The following PPM1D variants were observed in gnomAD, a reference collection of about 807,000 sequenced individuals.
The protein encoded by PPM1D is protein phosphatase, Mg2+/Mn2+ dependent 1D.
In PPM1D, 52 loss-of-function variants were observed where a neutral mutation model predicts 58.3. The ratio of observed to expected loss-of-function variants is 0.89; its 90% CI spans 0.71 to 1.12. PPM1D has a LOEUF of 1.12. PPM1D is among the 50% of genes most tolerant of loss of function. PPM1D has a pLI of 0.00. For synonymous variants in PPM1D, 278 were observed against 285.1 expected, an observed-to-expected ratio of 0.98 and a Z score of 0.25; for missense variants, 564 against 777.2, an observed-to-expected ratio of 0.73 and a Z score of 3.26.
At chr17:60,657,620 C>T (rs1270765785) in intron 5 of PPM1D, among the ~76,000 whole-genome samples, 2 of 152,146 alleles carry the variant, frequency 1.3e-5, no homozygotes, top group Non-Finnish European at 2.9e-5. Context: ...TAATTTTGGG[C>T]GTCGTAATCC....
chr17:60,627,109 G>C (rs1286029854), intron 2 of PPM1D, among the ~76,000 whole-genome samples: 2 of 152,172 alleles, frequency 1.3e-5, no homozygotes, highest in African/African-American at 4.8e-5. Flanking sequence ...TTTCCACGTG[G>C]AAGTTTCTTT....
At chr17:60,609,006 C>T (rs2030394537) in intron 1 of PPM1D, among the ~76,000 whole-genome samples, 1 of 152,038 alleles carries the variant, frequency 6.6e-6, no homozygotes, top group Middle Eastern at 3.2e-3. Flanking sequence ...CTCGGCCTCC[C>T]AAAGTGCTGG....
Position 60,623,756 on chromosome 17 carries a change from T to G in PPM1D, c.701+7T>G. On this transcript the variant is annotated splice_region_variant and intron_variant, in intron 2 of 5. Transcript: ENST00000305921. ...TCGAAGGACTTGGTGGGAGGTAACA[T>G]TCTGTCGTTTTCTCTTTCCTCTTTT... 1 of 1,612,342 alleles carries G rather than the reference T, an allele frequency of 6.2e-7. No individual in the cohort carries two copies. The highest frequency in any genetic ancestry group is 8.5e-7 in the Non-Finnish European group (1 of 1,178,482).
At position 60,623,589 on chromosome 17, in the gene PPM1D, C is replaced by T. The variant is rs1245022636; in HGVS notation, c.541C>T (p.Arg181Trp). Residue 181 changes from arginine (R) to tryptophan (W), a missense_variant, in exon 2 of 6, where the codon CGG (arginine) becomes TGG (tryptophan). Arg to Trp is a moderately radical substitution (Grantham distance 101, BLOSUM62 -3). Transcript: ENST00000305921. The part of the protein sequence containing the change: ...SGTTASVVII[R>W]GMKMYVAHVG... ...GACAACTGCCAGTGTGGTCATCATT[C>T]GGGGCATGAAGATGTATGTAGCTCA... 3.7e-6 allele frequency: 6 copies of T among 1,614,046 alleles called. No individual in the cohort carries two copies. The highest frequency in any genetic ancestry group is 4.5e-5 in the East Asian group (2 of 44,890).
intron 1 of PPM1D, among the ~76,000 whole-genome samples, chr17:60,619,088 C>T (rs1241321011): frequency 6.6e-6 from 1 of 152,192 alleles, no homozygotes; most frequent in Non-Finnish European, 1.5e-5. Context: ...CTCTTTCCTT[C>T]TGTGACTTTT....
intron 3 of PPM1D, among the ~76,000 whole-genome samples, chr17:60,636,005 G>T (rs985525537): frequency 1.3e-5 from 2 of 152,160 alleles, no homozygotes; most frequent in African/African-American, 4.8e-5. Flanking sequence ...CTTCAATGGG[G>T]TTGGAGCATC....
At chr17:60,613,935 C>T (rs569536789) in intron 1 of PPM1D, among the ~76,000 whole-genome samples, 50 of 151,258 alleles carry the variant, frequency 3.3e-4, no homozygotes, top group Middle Eastern at 6.8e-3. Flanking sequence ...CAAGCCTCCC[C>T]GATGAGCACC....
intron 2 of PPM1D, among the ~76,000 whole-genome samples, chr17:60,624,216 TA>T: frequency 6.6e-6 from 1 of 152,342 alleles, no homozygotes; most frequent in South Asian, 2.1e-4. Flanking sequence ...ATTTGTAAAC[TA>T]GGAACTGAAA....
intron 4 of PPM1D, among the ~76,000 whole-genome samples, chr17:60,648,478 G>C (rs2031287778): frequency 6.7e-6 from 1 of 149,694 alleles, no homozygotes; most frequent in Non-Finnish European, 1.5e-5. Context: ...TCCGCCTCCT[G>C]AGTTCACGCC....
chr17:60,656,761 A>C lies in PPM1D; in HGVS notation c.1180A>C (p.Asn394His). 6.2e-7 allele frequency: 1 copy of C among 1,614,220 alleles called. No individual in the cohort carries two copies. The highest frequency in any genetic ancestry group is 8.5e-7 in the Non-Finnish European group (1 of 1,180,044). The change falls in exon 5 of 6, where the codon AAC becomes CAC. Residue 394 changes from asparagine to histidine, a missense_variant. Physicochemically the swap from Asn to His is moderately conservative, Grantham distance 68. Coordinates refer to ENST00000305921, the MANE Select transcript of PPM1D (RefSeq NM_003620.4). The stretch of plus-strand genomic sequence containing the variant: ...TACCAATGAAGATGAGTTATACCTG[A>C]ACCTGACTGACAGCCCTTCCTATAA... ...NFTNEDELYL[N>H]LTDSPSYNSQ...
chr17:60,600,533 C>G lies in PPM1D; in HGVS notation c.119C>G (p.Ser40Trp). The G allele has an allele frequency of 6.4e-7, 1 of 1,556,856 alleles. No individual in the cohort carries two copies. Among genetic ancestry groups the G allele is most frequent in the South Asian group, 1.2e-5 (1 of 84,490 alleles). ...EPEPTAEEKP[S>W]PRRSLSQPLP... ...GAACCGACGGCTGAAGAAAAGCCCT[C>G]GCCGCGGCGGTCGCTGTCTCAGCCG... is the stretch of plus-strand genomic sequence containing the variant. The change falls in exon 1 of 6, where the codon TCG becomes TGG. Residue 40 changes from serine to tryptophan, a missense_variant. Ser to Trp is a radical substitution (Grantham distance 177, BLOSUM62 -3). Transcript: ENST00000305921.
intron 3 of PPM1D, among the ~76,000 whole-genome samples, chr17:60,636,320 A>T (rs1351439020): frequency 6.6e-6 from 1 of 152,180 alleles, no homozygotes; most frequent in South Asian, 2.1e-4. Flanking sequence ...ATTGTTCTTT[A>T]TTCACCAAAT....
rs954698996 is a variant in PPM1D, at chr17:60,656,244, G to A, written c.1018-355G>A. Among the ~76,000 whole-genome samples, 8 of 122,466 alleles carry A rather than the reference G, an allele frequency of 6.5e-5. No homozygotes were observed. In the East Asian group the frequency reaches 1.7e-3, roughly 26 times the overall value. The allele number at this position is 122,466 out of a possible 152,430, so 80.3% of individuals were successfully genotyped here. A position where few individuals can be genotyped will look rare whatever the true frequency, so the allele number is the denominator to read the frequency against. ...GCAGAGGCGTGTGGATCGAGGTCAG[G>A]AGATCAAGACCATCCTGGCTAACAT... On this transcript the variant is annotated intron_variant, in intron 4 of 5. Transcript: ENST00000305921.
intron 3 of PPM1D, among the ~76,000 whole-genome samples, chr17:60,642,311 A>C (rs1229088273): frequency 6.6e-6 from 1 of 151,706 alleles, no homozygotes; most frequent in Admixed American, 6.6e-5. Flanking sequence ...AGAATCTGTA[A>C]GTCTATATAG....
chr17:60,612,980 T>C (rs932951058), intron 1 of PPM1D, among the ~76,000 whole-genome samples: 2 of 152,178 alleles, frequency 1.3e-5, no homozygotes, highest in African/African-American at 4.8e-5. Flanking sequence ...TGGAGTAGAG[T>C]CTCATTGTTG....
chr17:60,622,669 A>G (rs1272407267), intron 1 of PPM1D, among the ~76,000 whole-genome samples: 1 of 152,240 alleles, frequency 6.6e-6, no homozygotes, highest in Non-Finnish European at 1.5e-5. Flanking sequence ...GAATAATCAT[A>G]TCTGTCTCAT....
intron 1 of PPM1D, among the ~76,000 whole-genome samples, chr17:60,617,917 A>G (rs920501570): frequency 1.3e-5 from 2 of 152,142 alleles, no homozygotes; most frequent in Admixed American, 6.5e-5. Context: ...TCATATTTCT[A>G]TCTCCCCCTA....
chr17:60,613,972 C>T (rs1035573217), intron 1 of PPM1D, among the ~76,000 whole-genome samples: 11 of 33,062 alleles, frequency 3.3e-4, no homozygotes, highest in South Asian at 6.6e-3. Context: ...TGCCCGGTCC[C>T]GTCGACTGCC....
At position 60,663,835 on chromosome 17, in the gene PPM1D, T is replaced by G. The variant is rs960678802; in HGVS notation, c.*283T>G. On this transcript the variant is annotated 3_prime_UTR_variant, in exon 6 of 6. Coordinates refer to ENST00000305921, the MANE Select transcript of PPM1D (RefSeq NM_003620.4). ...TTCAGAGTCTCTGATACACAGTAAT[T>G]GTGACAATAGGGCTAAATGTTTAAA... The G allele has an allele frequency of 3.6e-6, 1 of 280,438 alleles. No individual in the cohort carries two copies. The highest frequency in any genetic ancestry group is 2.2e-5 in the African/African-American group (1 of 46,468). 17.4% of individuals were successfully genotyped at this position (280,438 alleles called of 1,614,324 possible).
Sources: allele counts gnomAD v4.1 joint callset (sites outside exome capture counted in the v4.1 genomes callset), GRCh38; gene constraint gnomAD v4.1.1; transcripts MANE v1.5; gene names NCBI Gene and HGNC (gene_info 2026-07-23, HGNC 2026-07-21).